Variants in STAG1 observed in about 807,000 individuals in gnomAD.
STAG1 encodes cohesin subunit SA-1.
Under a neutral mutation model 170.9 loss-of-function variants are expected in STAG1, and 26 were observed. The observed-to-expected ratio is 0.15, with a 90% confidence interval of 0.11 to 0.21. STAG1 has a LOEUF of 0.21. Ranked by LOEUF, STAG1 falls within the 10% of genes least tolerant of loss-of-function variation. STAG1 has a pLI of 1.00. For missense variants in STAG1, 964 were observed against 1,509.5 expected (o/e 0.64, Z 5.99); for synonymous variants, 514 against 497.7 (o/e 1.03, Z -0.44).
intron 6 of STAG1, among the ~76,000 whole-genome samples, chr3:136,532,181 C>G (rs1935407079): frequency 6.6e-6 from 1 of 151,890 alleles, no homozygotes; most frequent in Non-Finnish European, 1.5e-5. Context: ...CACAGAAATA[C>G]AAAAGATCAT....
chr3:136,487,894 C>G (rs927857841), intron 9 of STAG1, among the ~76,000 whole-genome samples: 5 of 152,192 alleles, frequency 3.3e-5, no homozygotes, highest in Non-Finnish European at 5.9e-5. Context: ...CCGGCTATGT[C>G]TTGATGACAT....
intron 15 of STAG1, among the ~76,000 whole-genome samples, chr3:136,441,313 G>A (rs995014911): frequency 9.2e-5 from 14 of 152,218 alleles, no homozygotes; most frequent in African/African-American, 3.4e-4. Flanking sequence ...GATTACAGGC[G>A]TGAGCCACCA....
chr3:136,464,551 A>C (rs568739010), intron 13 of STAG1, among the ~76,000 whole-genome samples: 18 of 152,344 alleles, frequency 1.2e-4, no homozygotes, highest in Non-Finnish European at 2.6e-4. Flanking sequence ...GTAAGATCAG[A>C]CCTCAGAATT....
chr3:136,615,988 G>A (rs1041125751), intron 3 of STAG1, among the ~76,000 whole-genome samples: 1 of 151,856 alleles, frequency 6.6e-6, no homozygotes, highest in Non-Finnish European at 1.5e-5. Flanking sequence ...GTCATCAGAC[G>A]CTGGGCGCAG....
intron 1 of STAG1, among the ~76,000 whole-genome samples, chr3:136,722,207 C>T (rs1264760800): frequency 6.6e-6 from 1 of 151,972 alleles, no homozygotes; most frequent in Non-Finnish European, 1.5e-5. Flanking sequence ...AGAGCAAGAT[C>T]CTGTCTCCAA....
chr3:136,546,005 G>A (rs1936137780), intron 5 of STAG1, among the ~76,000 whole-genome samples: 1 of 151,902 alleles, frequency 6.6e-6, no homozygotes, highest in Non-Finnish European at 1.5e-5. Flanking sequence ...AGACTGCACA[G>A]GATGCAGTCC....
At chr3:136,486,806 C>G (rs1036941372) in intron 9 of STAG1, among the ~76,000 whole-genome samples, 3 of 152,022 alleles carry the variant, frequency 2.0e-5, no homozygotes, top group Non-Finnish European at 4.4e-5. Context: ...CTGTTTGCAA[C>G]AGGCTAGAGA....
intron 29 of STAG1, among the ~76,000 whole-genome samples, chr3:136,344,645 ACT>A (rs1169571459): frequency 1.3e-5 from 2 of 151,106 alleles, no homozygotes; most frequent in East Asian, 1.9e-4. Flanking sequence ...ACGGAGTCTC[ACT>A]CTGTCGCCCG....
At chr3:136,751,738 G>A (rs1052328005) in intron 1 of STAG1, among the ~76,000 whole-genome samples, 3 of 151,924 alleles carry the variant, frequency 2.0e-5, no homozygotes, top group African/African-American at 4.8e-5. Context: ...TCGGCAGGCG[G>A]CGGAAGGCAT....
intron 9 of STAG1, among the ~76,000 whole-genome samples, chr3:136,493,208 T>C (rs992699044): frequency 8.6e-5 from 13 of 152,032 alleles, no homozygotes; most frequent in African/African-American, 2.9e-4. Flanking sequence ...CCAGGTATGG[T>C]AGTGTGTGCC....
At chr3:136,573,902 C>T (rs948735613) in intron 4 of STAG1, among the ~76,000 whole-genome samples, 13 of 151,784 alleles carry the variant, frequency 8.6e-5, no homozygotes, top group African/African-American at 1.9e-4. Flanking sequence ...ACCTGGGAGG[C>T]GGAGTTTGCA....
In STAG1 at chr3:136,338,158, C is replaced by G. The variant is rs1042060231; in HGVS notation, c.*96G>C. Reference sequence around the variant, plus strand: ...CATTTGATTAAAAAACAAATCAGATCACATCAAAAGTGTTTTTCCCCATAC... The same window carrying G: ...CATTTGATTAAAAAACAAATCAGATGACATCAAAAGTGTTTTTCCCCATAC... On this transcript the variant is annotated 3_prime_UTR_variant, in exon 34 of 34. Transcript: ENST00000383202. 1.4e-5 allele frequency: 11 copies of G among 796,774 alleles called. No homozygotes were observed. The highest frequency in any genetic ancestry group is 4.8e-5 in the South Asian group (3 of 62,778). 49.4% of individuals were successfully genotyped at this position (796,774 alleles called of 1,614,324 possible).
At chr3:136,570,134 T>G (rs1008516130) in intron 4 of STAG1, among the ~76,000 whole-genome samples, 2 of 152,310 alleles carry the variant, frequency 1.3e-5, no homozygotes, top group South Asian at 2.1e-4. Context: ...TACATACACC[T>G]GTGTAACCAC....
intron 1 of STAG1, among the ~76,000 whole-genome samples, chr3:136,659,276 T>C (rs1469601244): frequency 2.0e-5 from 3 of 152,244 alleles, no homozygotes; most frequent in Non-Finnish European, 2.9e-5. Context: ...TCATTATTCA[T>C]AAAACTACTT....
chr3:136,705,017 A>G (rs1014891293), intron 1 of STAG1, among the ~76,000 whole-genome samples: 2 of 152,078 alleles, frequency 1.3e-5, no homozygotes, highest in African/African-American at 4.8e-5. Flanking sequence ...AAACTTCAAT[A>G]TAACAATAAT....
Position 136,359,312 on chromosome 3 carries a change from A to G in STAG1, c.2788-16T>C, listed in dbSNP as rs1327541204. On this transcript the variant is annotated splice_polypyrimidine_tract_variant and intron_variant, in intron 26 of 33. Transcript: ENST00000383202. ...CATTAAATAACTGATAGAAAGAAAA[A>G]AAGAAGAAAAAACCTATAGCTCAGA... 9 of 1,540,348 alleles carry G rather than the reference A, an allele frequency of 5.8e-6. No individual in the cohort carries two copies. Among genetic ancestry groups the G allele is most frequent in the Middle Eastern group, 1.7e-4 (1 of 5,756 alleles).
At chr3:136,423,253 T>G (rs926066313) in intron 16 of STAG1, among the ~76,000 whole-genome samples, 3 of 152,152 alleles carry the variant, frequency 2.0e-5, no homozygotes, top group Admixed American at 1.3e-4. Context: ...CGAATTACTA[T>G]TTGTTTATGT....
intron 1 of STAG1, among the ~76,000 whole-genome samples, chr3:136,723,060 C>T (rs1177780753): frequency 5.3e-5 from 8 of 152,220 alleles, no homozygotes; most frequent in African/African-American, 1.4e-4. Flanking sequence ...ACCTCCCAGC[C>T]GCCTGCCTTG....
intron 5 of STAG1, among the ~76,000 whole-genome samples, chr3:136,546,696 G>A (rs1936169728): frequency 6.6e-6 from 1 of 151,926 alleles, no homozygotes; most frequent in Admixed American, 6.6e-5. Context: ...CTAAATTCAG[G>A]GTGAAAAAGC....
Sources: gnomAD v4.1 joint callset for allele counts (sites outside exome capture counted in the v4.1 genomes callset) on GRCh38, gnomAD v4.1.1 for gene constraint, MANE v1.5 for transcripts, NCBI Gene and HGNC (gene_info 2026-07-23, HGNC 2026-07-21) for gene names.